The following SORCS2 variants were observed in gnomAD, a reference collection of about 807,000 sequenced individuals.
The protein encoded by SORCS2 is VPS10 domain-containing receptor SorCS2.
A neutral mutation model predicts 141.6 loss-of-function variants in SORCS2; 100 were observed. That is an observed-to-expected ratio of 0.71 (90% CI 0.60 to 0.83). SORCS2 has a LOEUF of 0.83. Ranked by LOEUF, SORCS2 falls within the 40% of genes least tolerant of loss-of-function variation. The probability of loss-of-function intolerance (pLI) is 0.00; values close to 1 mark genes in which losing one functional copy is unlikely to be tolerated. For synonymous variants in SORCS2, 789 were observed against 676.9 expected (o/e 1.17, Z -2.57); for missense variants, 1,646 against 1,560.2 (o/e 1.05, Z -0.93).
At chr4:7,460,962 T>A (rs1488370708) in intron 2 of SORCS2, among the ~76,000 whole-genome samples, 1 of 105,650 alleles carries the variant, frequency 9.5e-6, no homozygotes, top group African/African-American at 3.6e-5. Flanking sequence ...ATTTCATTTC[T>A]CCCCCCTCTC....
At chr4:7,557,121 G>A (rs1416485102) in intron 3 of SORCS2, among the ~76,000 whole-genome samples, 3 of 152,156 alleles carry the variant, frequency 2.0e-5, no homozygotes, top group Non-Finnish European at 4.4e-5. Flanking sequence ...CACAAGGAGG[G>A]CAGTTGTTGT....
intron 1 of SORCS2, among the ~76,000 whole-genome samples, chr4:7,367,157 G>C (rs1721949200): frequency 6.6e-6 from 1 of 152,232 alleles, no homozygotes; most frequent in Admixed American, 6.5e-5. Context: ...TGCATTAACA[G>C]AAGTATAGGG....
chr4:7,374,129 CTCTTTCTT>C (rs1162945229), intron 1 of SORCS2, among the ~76,000 whole-genome samples: 2,278 of 51,706 alleles, frequency 0.044, 26 homozygotes, highest in South Asian at 0.053. Context: ...CTTTCTTTCC[CTCTTTCTT>C]TCTTTCTTTC....
At chr4:7,451,100 GTGAA>G (rs1728411463) in intron 2 of SORCS2, among the ~76,000 whole-genome samples, 2 of 152,220 alleles carry the variant, frequency 1.3e-5, no homozygotes, top group Non-Finnish European at 2.9e-5. Context: ...GACTGAGTGA[GTGAA>G]TGAGTGAGTG....
intron 1 of SORCS2, among the ~76,000 whole-genome samples, chr4:7,297,178 T>C (rs988852505): frequency 1.3e-5 from 2 of 152,146 alleles, no homozygotes; most frequent in African/African-American, 4.8e-5. Flanking sequence ...GATTCCTCAG[T>C]ATGCCCCCTT....
chr4:7,637,767 G>A (rs186774288), intron 3 of SORCS2, among the ~76,000 whole-genome samples: 21 of 152,134 alleles, frequency 1.4e-4, no homozygotes, highest in Middle Eastern at 6.8e-3. Flanking sequence ...AGGCTGAGCC[G>A]GCTGAGTTGG....
At position 7,740,503 on chromosome 4, in the gene SORCS2, C is replaced by T. The variant is rs1712587125; in HGVS notation, c.*239C>T. 2 of 556,620 alleles carry T rather than the reference C, an allele frequency of 3.6e-6. No individual in the cohort carries two copies. Among genetic ancestry groups the T allele is most frequent in the Admixed American group, 3.1e-5 (1 of 32,668 alleles). The allele number at this position is 556,620 out of a possible 1,614,324, so 34.5% of individuals were successfully genotyped here. A position where few individuals can be genotyped will look rare whatever the true frequency, so the allele number is the denominator to read the frequency against. On this transcript the variant is annotated 3_prime_UTR_variant, in exon 27 of 27. Coordinates refer to ENST00000507866, the MANE Select transcript of SORCS2 (RefSeq NM_020777.3). ...TGCCCCTATGGGACACCAGGCCTGA[C>T]TCAGGCAGGTTCTGCCCCCCAGACC...
intron 2 of SORCS2, among the ~76,000 whole-genome samples, chr4:7,519,752 C>T (rs1203426790): frequency 6.6e-6 from 1 of 152,208 alleles, no homozygotes; most frequent in Non-Finnish European, 1.5e-5. Flanking sequence ...TTAGTCTGAC[C>T]CATTCTGCCC....
At chr4:7,368,708 T>C (rs146446967) in intron 1 of SORCS2, among the ~76,000 whole-genome samples, 36 of 152,274 alleles carry the variant, frequency 2.4e-4, no homozygotes, top group African/African-American at 7.9e-4. Flanking sequence ...AAGTTTGAAG[T>C]TGGCCAAGAG....
chr4:7,566,367 C>T (rs1216290519), intron 3 of SORCS2, among the ~76,000 whole-genome samples: 1 of 152,086 alleles, frequency 6.6e-6, no homozygotes, highest in Non-Finnish European at 1.5e-5. Context: ...GATGATGACT[C>T]TGCTACTGCT....
rs1401142737 is a variant in SORCS2 at position 7,740,387 on chromosome 4, G to C, written c.*123G>C. Reference sequence around the variant, plus strand: ...CCCTCCCTGAGTCGTCGCCACACCAGGCGACAGGCACCACCCCCTCTGATA... The same window carrying C: ...CCCTCCCTGAGTCGTCGCCACACCACGCGACAGGCACCACCCCCTCTGATA... On this transcript the variant is annotated 3_prime_UTR_variant, in exon 27 of 27. Coordinates refer to ENST00000507866, the MANE Select transcript of SORCS2 (RefSeq NM_020777.3). The C allele has an allele frequency of 1.2e-5, 10 of 853,574 alleles. No homozygotes were observed. The highest frequency in any genetic ancestry group is 1.7e-5 in the Non-Finnish European group (9 of 535,062). 52.9% of individuals were successfully genotyped at this position (853,574 alleles called of 1,614,324 possible). A position where few individuals can be genotyped will look rare whatever the true frequency, so the allele number is the denominator to read the frequency against.
At chr4:7,454,292 C>T (rs1406022681) in intron 2 of SORCS2, among the ~76,000 whole-genome samples, 2 of 111,250 alleles carry the variant, frequency 1.8e-5, no homozygotes, top group African/African-American at 3.7e-5. Flanking sequence ...TGGGGTCAGG[C>T]GCTGTGTTGG....
rs918299649 is a variant in SORCS2 at position 7,478,288 on chromosome 4, A to G, written c.549-53242A>G. Among the ~76,000 whole-genome samples, 2 of 152,232 alleles carry G rather than the reference A, an allele frequency of 1.3e-5. 1 individual carries two copies. Among genetic ancestry groups the G allele is most frequent in the South Asian group, 4.2e-4 (2 of 4,814 alleles). The stretch of plus-strand genomic sequence containing the variant: ...GGAGGCTCGCTTCCTTTCAGGGGCT[A>G]TGGGCAGCCCAGGAGACCCCTCCCC... On this transcript the variant is annotated intron_variant, in intron 2 of 26. Transcript: ENST00000507866.
intron 7 of SORCS2, among the ~76,000 whole-genome samples, chr4:7,665,413 A>G (rs1722443942): frequency 6.6e-6 from 1 of 152,166 alleles, no homozygotes; most frequent in African/African-American, 2.4e-5. Context: ...GCTGAGCCCC[A>G]GCCCCTGGCT....
At chr4:7,522,219 G>A (rs1733372704) in intron 2 of SORCS2, among the ~76,000 whole-genome samples, 1 of 152,204 alleles carries the variant, frequency 6.6e-6, no homozygotes, top group South Asian at 2.1e-4. Flanking sequence ...GGGCGAGCAG[G>A]GGCTCCTCAC....
At chr4:7,282,245 C>A (rs999071466) in intron 1 of SORCS2, among the ~76,000 whole-genome samples, 2 of 152,178 alleles carry the variant, frequency 1.3e-5, no homozygotes, top group East Asian at 3.9e-4. Flanking sequence ...TGCTCCCTAA[C>A]GATGTTTAAA....
chr4:7,215,413 C>T (rs1434381059), intron 1 of SORCS2, among the ~76,000 whole-genome samples: 5 of 152,348 alleles, frequency 3.3e-5, no homozygotes, highest in Middle Eastern at 3.4e-3. Flanking sequence ...AGCCTTCCCC[C>T]GACTCCGTGG....
intron 1 of SORCS2, among the ~76,000 whole-genome samples, chr4:7,350,670 G>C (rs1424325690): frequency 6.6e-6 from 1 of 152,260 alleles, no homozygotes; most frequent in Non-Finnish European, 1.5e-5. Context: ...GCAGTGACCA[G>C]GCCCGTGGGA....
At chr4:7,515,697 C>T (rs73212601) in intron 2 of SORCS2, among the ~76,000 whole-genome samples, 6,087 of 152,274 alleles carry the variant, frequency 0.04, 251 homozygotes, top group African/African-American at 0.11. Flanking sequence ...GGACCAGTTT[C>T]TGCTGCATGC....
Sources: allele counts gnomAD v4.1 joint callset (sites outside exome capture counted in the v4.1 genomes callset), GRCh38; gene constraint gnomAD v4.1.1; transcripts MANE v1.5; gene names NCBI Gene and HGNC (gene_info 2026-07-23, HGNC 2026-07-21).